Variants in MYO5B observed in about 807,000 individuals in gnomAD.
The protein encoded by MYO5B is myosin VB.
In MYO5B, 143 loss-of-function variants were observed where a neutral mutation model predicts 229.3. That is an observed-to-expected ratio of 0.62 (90% confidence interval 0.54 to 0.72). The LOEUF (loss-of-function observed/expected upper bound fraction) is 0.72. Ranked by LOEUF, MYO5B falls within the 30% of genes least tolerant of loss-of-function variation. MYO5B has a pLI of 0.00. For synonymous variants in MYO5B, 918 were observed against 885.2 expected (o/e 1.04, Z -0.66); for missense variants, 2,321 against 2,331.0 (o/e 1.00, Z 0.09).
Position 49,856,846 on chromosome 18 carries a change from C to A in MYO5B, c.3989G>T (p.Gly1330Val), listed in dbSNP as rs1400954248. The change falls in exon 30 of 40, where the codon GGC becomes GTC. Residue 1330 changes from glycine to valine, a missense_variant. Coordinates refer to ENST00000285039, the MANE Select transcript of MYO5B (RefSeq NM_001080467.3). ...WGYLNEDGEL[G>V]LAYQGLKQVA... is the part of the protein sequence containing the mutation. ...TTGCTTTAGGCCTTGGTAGGCCAAG[C>A]CGAGTTCTCCATCTTCATTTAAATA... 6.2e-7 allele frequency: 1 copy of A among 1,614,208 alleles called. No homozygotes were observed. Among genetic ancestry groups the A allele is most frequent in the Non-Finnish European group, 8.5e-7 (1 of 1,180,012 alleles).
rs751752887 is a variant in MYO5B at position 49,864,276 on chromosome 18, G to A, written c.3708C>T (p.Ser1236=). 2 of 1,614,214 alleles carry A rather than the reference G, an allele frequency of 1.2e-6. No individual in the cohort carries two copies. ...QATQNNSSHG[S]PDSYSLLLNQ... ...TCAGCAGGAGGCTGTAGCTATCTGGGGAGCCGTGGCTGGAGTTATTCTGCG... is the reference window on the plus strand; with the variant it reads ...TCAGCAGGAGGCTGTAGCTATCTGGAGAGCCGTGGCTGGAGTTATTCTGCG... Residue 1236 remains serine, a synonymous_variant, in exon 28 of 40, where the codon TCC becomes TCT. Transcript: ENST00000285039.
intron 12 of MYO5B, among the ~76,000 whole-genome samples, chr18:49,956,054 T>C (rs990008845): frequency 6.6e-6 from 1 of 152,236 alleles, no homozygotes. Flanking sequence ...CTAATTCAGA[T>C]TGGCATGAAT....
intron 4 of MYO5B, among the ~76,000 whole-genome samples, chr18:50,025,785 G>A (rs2026324413): frequency 6.6e-6 from 1 of 152,112 alleles, no homozygotes; most frequent in Admixed American, 6.5e-5. Context: ...GCAGGGGCCC[G>A]TGGGACAGCT....
chr18:50,103,891 T>C (rs1424200766), intron 1 of MYO5B, among the ~76,000 whole-genome samples: 1 of 151,816 alleles, frequency 6.6e-6, no homozygotes, highest in African/African-American at 2.4e-5. Flanking sequence ...CAAGCATGCA[T>C]CATCATCTGG....
At chr18:50,008,881 G>C (rs1440736714) in intron 4 of MYO5B, among the ~76,000 whole-genome samples, 1 of 152,092 alleles carries the variant, frequency 6.6e-6, no homozygotes, top group Non-Finnish European at 1.5e-5. Context: ...TAATCATATA[G>C]TCAACACCAT....
intron 1 of MYO5B, among the ~76,000 whole-genome samples, chr18:50,070,270 C>A (rs749499399): frequency 3.9e-5 from 6 of 152,036 alleles, no homozygotes; most frequent in African/African-American, 1.5e-4. Context: ...GTGATCCGTA[C>A]GCCTCAGCCT....
At chr18:50,036,815 A>G in intron 4 of MYO5B, 35 bp downstream of exon 4, 1 of 1,613,282 alleles carries the variant, frequency 6.2e-7, no homozygotes, top group African/African-American at 1.3e-5. Context: ...CCCACTGACT[A>G]CTCAGGAGGA....
At chr18:50,062,307 C>T (rs1043283688) in intron 1 of MYO5B, among the ~76,000 whole-genome samples, 2 of 152,254 alleles carry the variant, frequency 1.3e-5, no homozygotes, top group South Asian at 4.2e-4. Flanking sequence ...GGCAGAGTTC[C>T]CTGGGAATGG....
intron 14 of MYO5B, among the ~76,000 whole-genome samples, chr18:49,941,799 A>C: frequency 8.1e-6 from 1 of 122,708 alleles, no homozygotes; most frequent in Non-Finnish European, 1.8e-5. Flanking sequence ...GCTACCAATG[A>C]CTTTCTTCAC....
At chr18:49,962,885 T>C (rs2025576335) in intron 11 of MYO5B, 64 bp downstream of exon 11, 5 of 1,364,630 alleles carry the variant, frequency 3.7e-6, no homozygotes, top group Non-Finnish European at 5.2e-6. Context: ...AGAAGTGGCC[T>C]GTCTGTCCCT....
chr18:50,031,515 T>TAA (rs992402752), intron 4 of MYO5B, among the ~76,000 whole-genome samples: 1 of 152,176 alleles, frequency 6.6e-6, no homozygotes, highest in Non-Finnish European at 1.5e-5. Context: ...TGCACTGGGG[T>TAA]AAAGCATGGA....
intron 1 of MYO5B, among the ~76,000 whole-genome samples, chr18:50,134,118 G>T (rs1280008783): frequency 1.3e-5 from 2 of 152,156 alleles, no homozygotes; most frequent in African/African-American, 4.8e-5. Context: ...TGGGGACAAA[G>T]GCAGAAGGAA....
chr18:50,004,933 C>T (rs558632629), intron 4 of MYO5B, among the ~76,000 whole-genome samples: 24 of 152,292 alleles, frequency 1.6e-4, no homozygotes, highest in African/African-American at 5.3e-4. Flanking sequence ...GAACCTCGGC[C>T]GCACCACTGA....
chr18:50,163,273 AC>A (rs2032796848), intron 1 of MYO5B, among the ~76,000 whole-genome samples: 1 of 151,992 alleles, frequency 6.6e-6, no homozygotes, highest in African/African-American at 2.4e-5. Context: ...GAATTAATCC[AC>A]CCTGACATAC....
chr18:50,073,031 A>G (rs2030994759), intron 1 of MYO5B, among the ~76,000 whole-genome samples: 1 of 152,190 alleles, frequency 6.6e-6, no homozygotes, highest in African/African-American at 2.4e-5. Flanking sequence ...GTAGCCAAAG[A>G]TTTACTCCTA....
In MYO5B at chr18:50,175,180, T is replaced by C. The variant is rs117307496; in HGVS notation, c.27+19587A>G. ...GCAACATTCTGGGCAAGGGGATTCATGCAGTATCAGCCTGCCAGGTGGCAG... is the reference window on the plus strand; with the variant it reads ...GCAACATTCTGGGCAAGGGGATTCACGCAGTATCAGCCTGCCAGGTGGCAG... On this transcript the variant is annotated intron_variant, in intron 1 of 39. Transcript: ENST00000285039. 6.7e-3 allele frequency among the ~76,000 whole-genome samples: 1,014 copies of C among 152,358 alleles called. 25 individuals are homozygous for C. In the East Asian group the frequency reaches 0.083, roughly 12 times the overall value.
chr18:49,942,380 C>CAAAAAA lies in MYO5B; in HGVS notation c.1753-4989_1753-4984dup, dbSNP rs753691754. Among the ~76,000 whole-genome samples, 69 of 32,600 alleles carry CAAAAAA rather than the reference C, an allele frequency of 2.1e-3. 1 individual carries two copies. Among genetic ancestry groups the CAAAAAA allele is most frequent in the African/African-American group, 3.4e-3 (26 of 7,664 alleles). 21.4% of individuals were successfully genotyped at this position (32,600 alleles called of 152,430 possible). On this transcript the variant is annotated intron_variant, in intron 14 of 39. Transcript: ENST00000285039. ...ATTAAACTAAAGAGCTTCTGCACAGCAAAAAAAAAAAAAAAAAAAAAAAAA... is the reference window on the plus strand; with the variant it reads ...ATTAAACTAAAGAGCTTCTGCACAGCAAAAAAAAAAAAAAAAAAAAAAAAAAAAAAA...
At chr18:49,976,237 A>G (rs373156674) in intron 9 of MYO5B, among the ~76,000 whole-genome samples, 1 of 152,216 alleles carries the variant, frequency 6.6e-6, no homozygotes, top group Non-Finnish European at 1.5e-5. Flanking sequence ...GATTTAAATG[A>G]GGGCTTAATG....
intron 1 of MYO5B, among the ~76,000 whole-genome samples, chr18:50,176,948 T>C (rs952196986): frequency 1.3e-5 from 2 of 152,206 alleles, no homozygotes; most frequent in African/African-American, 4.8e-5. Flanking sequence ...TCTTAAACTA[T>C]GTTAGCCTGC....
Sources: gnomAD v4.1 joint callset for allele counts (sites outside exome capture counted in the v4.1 genomes callset) on GRCh38, gnomAD v4.1.1 for gene constraint, MANE v1.5 for transcripts, NCBI Gene and HGNC (gene_info 2026-07-23, HGNC 2026-07-21) for gene names.